Variants in TRANK1 observed in about 807,000 individuals in gnomAD.
TRANK1 encodes tetratricopeptide repeat and ankyrin repeat containing 1.
A neutral mutation model predicts 266.0 loss-of-function variants in TRANK1; 198 were observed. The ratio of observed to expected loss-of-function variants is 0.74; its 90% CI spans 0.66 to 0.84. The LOEUF is 0.84. Among genes scored for constraint, TRANK1 ranks in the 40% least tolerant of loss-of-function variants. TRANK1 has a pLI of 0.00. For missense variants in TRANK1, 3,326 were observed against 3,634.6 expected (o/e 0.92, Z 2.18); for synonymous variants, 1,396 against 1,384.1 (o/e 1.01, Z -0.19).
intron 1 of TRANK1, among the ~76,000 whole-genome samples, chr3:36,931,660 C>A (rs1056415951): frequency 5.9e-5 from 9 of 152,272 alleles, no homozygotes; most frequent in African/African-American, 2.2e-4. Context: ...CATGATCATG[C>A]CACTGCACTA....
At chr3:36,921,861 G>A (rs1489319798) in intron 1 of TRANK1, among the ~76,000 whole-genome samples, 1 of 152,156 alleles carries the variant, frequency 6.6e-6, no homozygotes. Context: ...AGCACAGCAG[G>A]CCAGGTACGG....
intron 1 of TRANK1, among the ~76,000 whole-genome samples, chr3:36,914,386 A>G (rs1289442547): frequency 1.3e-5 from 2 of 149,294 alleles, no homozygotes; most frequent in Non-Finnish European, 3.0e-5. Flanking sequence ...CGCTCAGGTG[A>G]TCCCTCGGTC....
chr3:36,878,341 C>G (rs1215020406), intron 8 of TRANK1, among the ~76,000 whole-genome samples: 1 of 152,182 alleles, frequency 6.6e-6, no homozygotes, highest in Non-Finnish European at 1.5e-5. Context: ...TTGCACAAAA[C>G]CAGTCCCTGG....
At chr3:36,872,843 G>T (rs1477685629) in intron 9 of TRANK1, among the ~76,000 whole-genome samples, 1 of 152,118 alleles carries the variant, frequency 6.6e-6, no homozygotes, top group East Asian at 1.9e-4. Flanking sequence ...GGGCCAACAC[G>T]TGCCAAGCCA....
At chr3:36,876,334 C>T (rs928873458) in intron 8 of TRANK1, among the ~76,000 whole-genome samples, 1 of 152,246 alleles carries the variant, frequency 6.6e-6, no homozygotes, top group East Asian at 1.9e-4. Flanking sequence ...GTTCTTCTAG[C>T]TCTGTCCCAT....
At position 36,892,187 on chromosome 3, in the gene TRANK1, T is replaced by G. The variant is rs1191503500; in HGVS notation, c.775+15A>C. ...AAGGGCAGCTTGGAGGGTGGAAAAC[T>G]GGGAGAAGACTCACTGGCTTGGATA... On this transcript the variant is annotated intron_variant, in intron 7 of 23. Coordinates refer to ENST00000645898, the MANE Select transcript of TRANK1 (RefSeq NM_001329998.2). The G allele has an allele frequency of 6.5e-7, 1 of 1,535,598 alleles. No homozygotes were observed. The highest frequency in any genetic ancestry group is 8.7e-7 in the Non-Finnish European group (1 of 1,146,086).
At chr3:36,866,738 C>A (rs1159680735) in intron 9 of TRANK1, among the ~76,000 whole-genome samples, 2 of 152,236 alleles carry the variant, frequency 1.3e-5, no homozygotes, top group Non-Finnish European at 2.9e-5. Context: ...AAGACACTCC[C>A]TTGAAAACAA....
At chr3:36,881,791 T>G (rs925567374) in intron 8 of TRANK1, among the ~76,000 whole-genome samples, 1 of 152,190 alleles carries the variant, frequency 6.6e-6, no homozygotes, top group East Asian at 1.9e-4. Context: ...AGTAATCTAC[T>G]TTCTGTCTCT....
chr3:36,930,940 AT>A (rs1391089934), intron 1 of TRANK1, among the ~76,000 whole-genome samples: 1 of 152,204 alleles, frequency 6.6e-6, no homozygotes, highest in East Asian at 1.9e-4. Flanking sequence ...CAAATATCTC[AT>A]TTTTTAAAAA....
intron 13 of TRANK1, among the ~76,000 whole-genome samples, chr3:36,854,885 C>T (rs950134972): frequency 6.6e-6 from 1 of 151,974 alleles, no homozygotes; most frequent in Non-Finnish European, 1.5e-5. Context: ...TGAAAGTTCT[C>T]AAACAGTTTA....
chr3:36,889,397 C>T (rs2079655010), intron 8 of TRANK1, among the ~76,000 whole-genome samples: 1 of 152,186 alleles, frequency 6.6e-6, no homozygotes, highest in African/African-American at 2.4e-5. Flanking sequence ...CTGGCCCCAG[C>T]AGGTATGGGA....
chr3:36,892,155 AG>A (rs1365469776), intron 7 of TRANK1, 46 bp downstream of exon 7: 13 of 1,525,672 alleles, frequency 8.5e-6, no homozygotes, highest in Non-Finnish European at 1.1e-5. Context: ...TTCCAGAACT[AG>A]GCTAGAAGGG....
At chr3:36,892,550 C>T (rs532730577) in intron 6 of TRANK1, among the ~76,000 whole-genome samples, 2 of 152,228 alleles carry the variant, frequency 1.3e-5, no homozygotes, top group East Asian at 1.9e-4. Flanking sequence ...AATCGCCTTG[C>T]GAGGCGCAGT....
chr3:36,851,666 G>C, intron 15 of TRANK1, 53 bp downstream of exon 15: 11 of 1,565,746 alleles, frequency 7.0e-6, no homozygotes, highest in Non-Finnish European at 9.5e-6. Flanking sequence ...CCAGAGGGAA[G>C]TTCAGCTCAT....
At chr3:36,848,024 A>G (rs1484950132) in intron 15 of TRANK1, among the ~76,000 whole-genome samples, 1 of 152,232 alleles carries the variant, frequency 6.6e-6, no homozygotes, top group Non-Finnish European at 1.5e-5. Flanking sequence ...AGCCAAAACC[A>G]AAGTGACTAC....
intron 20 of TRANK1, among the ~76,000 whole-genome samples, chr3:36,835,910 A>G (rs1395762469): frequency 1.3e-5 from 2 of 152,238 alleles, no homozygotes; most frequent in African/African-American, 4.8e-5. Context: ...AACTCTTGCA[A>G]CCACAAGAAA....
chr3:36,926,285 C>T (rs1056245113), intron 1 of TRANK1, among the ~76,000 whole-genome samples: 2 of 152,196 alleles, frequency 1.3e-5, no homozygotes, highest in African/African-American at 2.4e-5. Flanking sequence ...ATCCACTCTA[C>T]TCAGTAACAT....
intron 9 of TRANK1, among the ~76,000 whole-genome samples, chr3:36,873,207 A>G (rs1162726986): frequency 2.0e-5 from 3 of 152,188 alleles, no homozygotes; most frequent in Non-Finnish European, 4.4e-5. Context: ...ATATTCAGAC[A>G]AATTATCCAT....
At chr3:36,849,123 AGGCT>A (rs2078953504) in intron 15 of TRANK1, among the ~76,000 whole-genome samples, 1 of 152,142 alleles carries the variant, frequency 6.6e-6, no homozygotes, top group Non-Finnish European at 1.5e-5. Flanking sequence ...GTGAAGGAAA[AGGCT>A]TAGATTTTAC....
Sources: gnomAD v4.1 joint callset for allele counts (sites outside exome capture counted in the v4.1 genomes callset) on GRCh38, gnomAD v4.1.1 for gene constraint, MANE v1.5 for transcripts, NCBI Gene and HGNC (gene_info 2026-07-23, HGNC 2026-07-21) for gene names.